The following TENM4 variants were observed in gnomAD, a reference collection of about 807,000 sequenced individuals.
The protein encoded by TENM4 is teneurin transmembrane protein 4.
A neutral mutation model predicts 243.3 loss-of-function variants in TENM4; 82 were observed. The ratio of observed to expected loss-of-function variants is 0.34; its 90% CI spans 0.28 to 0.40. The LOEUF (loss-of-function observed/expected upper bound fraction) is 0.40, where lower values mean the gene tolerates loss of function less well. Among genes scored for constraint, TENM4 ranks in the 10% least tolerant of loss-of-function variants. TENM4 has a pLI of 1.00. For synonymous variants in TENM4, 1,412 were observed against 1,456.3 expected (o/e 0.97, Z 0.69); for missense variants, 3,138 against 3,673.3 (o/e 0.85, Z 3.77).
At chr11:79,293,934 TTCTGAGCTC>T (rs1271561247) in intron 2 of TENM4, among the ~76,000 whole-genome samples, 1 of 152,054 alleles carries the variant, frequency 6.6e-6, no homozygotes, top group African/African-American at 2.4e-5. Context: ...CAGAAAGAGG[TTCTGAGCTC>T]TCCCAGGCAT....
chr11:78,761,768 T>G (rs1301579410), intron 18 of TENM4, among the ~76,000 whole-genome samples: 4 of 80,944 alleles, frequency 4.9e-5, no homozygotes, highest in Non-Finnish European at 6.3e-5. Flanking sequence ...GTAGGCACTG[T>G]TTTTTTTAGT....
intron 4 of TENM4, among the ~76,000 whole-genome samples, chr11:79,088,117 C>T (rs1000491658): frequency 6.6e-6 from 1 of 152,234 alleles, no homozygotes; most frequent in Admixed American, 6.5e-5. Flanking sequence ...CCTGTCACTC[C>T]ATCGGTTCTG....
intron 3 of TENM4, among the ~76,000 whole-genome samples, chr11:79,194,999 C>T (rs1202190951): frequency 6.6e-6 from 1 of 152,172 alleles, no homozygotes; most frequent in East Asian, 1.9e-4. Context: ...GACTTGGTGC[C>T]CTGTGTCCCA....
chr11:78,980,452 G>A (rs145190769), intron 6 of TENM4, among the ~76,000 whole-genome samples: 1 of 152,292 alleles, frequency 6.6e-6, no homozygotes, highest in East Asian at 1.9e-4. Context: ...TCTCTGTGAG[G>A]CTTAAAAGGA....
intron 6 of TENM4, among the ~76,000 whole-genome samples, chr11:79,032,256 A>G (rs1859262624): frequency 6.6e-6 from 1 of 152,210 alleles, no homozygotes; most frequent in Non-Finnish European, 1.5e-5. Flanking sequence ...CACAGCAGTA[A>G]TCACCCTGAG....
chr11:78,968,517 G>A (rs906588514), intron 6 of TENM4, among the ~76,000 whole-genome samples: 1 of 152,266 alleles, frequency 6.6e-6, no homozygotes, highest in Middle Eastern at 3.4e-3. Context: ...TCTTTATAAA[G>A]AAACTCAGCC....
rs2136986344 is a variant in TENM4 at position 79,064,794 on chromosome 11, C to G, written c.437G>C (p.Ser146Thr). The change falls in exon 6 of 34, where the codon AGC becomes ACC. Residue 146 changes from serine (S) to threonine (T), a missense_variant. Physicochemically the swap from Ser to Thr is moderately conservative, Grantham distance 58 (BLOSUM62 1). Around this residue, in one of 2 missense-constraint regions of TENM4, gnomAD observed 671 missense variants for 614.1 expected, o/e 1.09. Transcript: ENST00000278550. ...TRSGRSSCLS[S>T]RANSNLTLTD... Reference sequence around the variant, plus strand: ...GAGTGTGAGATTGGAATTGGCCCGGCTGGACAGGCAGGAGCTGCGCCCTGA... The same window carrying G: ...GAGTGTGAGATTGGAATTGGCCCGGGTGGACAGGCAGGAGCTGCGCCCTGA... The G allele has an allele frequency of 2.6e-6, 4 of 1,551,666 alleles. No homozygotes were observed. Among genetic ancestry groups the G allele is most frequent in the East Asian group, 2.4e-5 (1 of 40,908 alleles).
intron 28 of TENM4, among the ~76,000 whole-genome samples, chr11:78,696,938 G>A (rs558956668): frequency 3.3e-5 from 5 of 152,096 alleles, no homozygotes; most frequent in South Asian, 2.1e-4. Flanking sequence ...GACAGTGTTC[G>A]CTGCCCTTCT....
At chr11:79,366,538 C>T (rs751927560) in intron 1 of TENM4, among the ~76,000 whole-genome samples, 10 of 152,152 alleles carry the variant, frequency 6.6e-5, no homozygotes, top group Non-Finnish European at 1.3e-4. Context: ...ACTGGGTGCT[C>T]CTCTCACAGT....
intron 12 of TENM4, among the ~76,000 whole-genome samples, chr11:78,825,064 T>C (rs920525998): frequency 6.6e-6 from 1 of 152,206 alleles, no homozygotes; most frequent in African/African-American, 2.4e-5. Flanking sequence ...AATATTGATT[T>C]GTTGATCAAG....
intron 1 of TENM4, among the ~76,000 whole-genome samples, chr11:79,409,332 A>T (rs1219728212): frequency 6.6e-6 from 1 of 152,096 alleles, no homozygotes; most frequent in Admixed American, 6.5e-5. Flanking sequence ...TTAAAGGTAG[A>T]TTCTGGGGCA....
intron 2 of TENM4, among the ~76,000 whole-genome samples, chr11:79,284,163 C>A (rs1856207667): frequency 6.6e-6 from 1 of 152,078 alleles, no homozygotes; most frequent in African/African-American, 2.4e-5. Context: ...TATTCCCTAC[C>A]AAAATCTCAG....
intron 2 of TENM4, among the ~76,000 whole-genome samples, chr11:79,217,496 C>T (rs967412272): frequency 6.6e-6 from 1 of 152,090 alleles, no homozygotes; most frequent in African/African-American, 2.4e-5. Context: ...AAAAACATTG[C>T]TGTTTATTAT....
chr11:79,210,704 G>A (rs975836293), intron 3 of TENM4, among the ~76,000 whole-genome samples: 10 of 152,298 alleles, frequency 6.6e-5, no homozygotes, highest in Middle Eastern at 3.4e-3. Flanking sequence ...CAACTGCTGC[G>A]ATGATGACAG....
chr11:79,400,097 CACCACACA>C (rs1858425758), intron 1 of TENM4, among the ~76,000 whole-genome samples: 1 of 105,418 alleles, frequency 9.5e-6, no homozygotes, highest in Admixed American at 1.1e-4. Context: ...CATAAACACA[CACCACACA>C]CACACACACA....
At chr11:78,901,115 T>C (rs1221677300) in intron 7 of TENM4, among the ~76,000 whole-genome samples, 5 of 152,038 alleles carry the variant, frequency 3.3e-5, no homozygotes, top group South Asian at 2.1e-4. Context: ...GGGCCTCGCA[T>C]TGGGGGAAAT....
intron 1 of TENM4, among the ~76,000 whole-genome samples, chr11:79,340,726 A>C (rs1857228038): frequency 6.6e-6 from 1 of 152,074 alleles, no homozygotes; most frequent in South Asian, 2.1e-4. Context: ...ATTCCTGCAC[A>C]TCCATCTGGC....
intron 12 of TENM4, among the ~76,000 whole-genome samples, chr11:78,840,283 G>T (rs1293344959): frequency 6.6e-6 from 1 of 151,924 alleles, no homozygotes; most frequent in Non-Finnish European, 1.5e-5. Context: ...AAATTATACA[G>T]TCCATCCCTT....
At position 79,325,164 on chromosome 11, in the gene TENM4, C is replaced by A. The variant is rs147232121; in HGVS notation, c.-320-27621G>T. 3.6e-3 allele frequency among the ~76,000 whole-genome samples: 542 copies of A among 152,322 alleles called. 1 individual carries two copies. Among genetic ancestry groups the A allele is most frequent in the African/African-American group, 0.012 (512 of 41,568 alleles). On this transcript the variant is annotated intron_variant, in intron 1 of 33. Coordinates refer to ENST00000278550, the MANE Select transcript of TENM4 (RefSeq NM_001098816.3). ...AAAGGCTGGCAATGGCATCTTTTAG[C>A]TGGCTCTGCCCATTCCTGAGAAGTG...
Sources: allele counts gnomAD v4.1 joint callset (sites outside exome capture counted in the v4.1 genomes callset), GRCh38; gene constraint gnomAD v4.1.1; regional missense constraint gnomAD v4.1.1; transcripts MANE v1.5; gene names NCBI Gene and HGNC (gene_info 2026-07-23, HGNC 2026-07-21).